The following JAZF1 variants were observed in gnomAD, a reference collection of about 807,000 sequenced individuals.
The protein encoded by JAZF1 is juxtaposed with another zinc finger protein 1.
In JAZF1, 8 loss-of-function variants were observed where a neutral mutation model predicts 26.4. The ratio of observed to expected loss-of-function variants is 0.30; its 90% confidence interval spans 0.18 to 0.55. The LOEUF (loss-of-function observed/expected upper bound fraction) is 0.55, where lower values mean the gene tolerates loss of function less well. JAZF1 is among the 20% of genes least tolerant of loss of function. JAZF1 has a pLI of 0.94. For synonymous variants in JAZF1, 126 were observed against 122.3 expected (o/e 1.03, Z -0.20); for missense variants, 199 against 322.0 (o/e 0.62, Z 2.92).
chr7:27,837,135 G>A (rs547910894), intron 4 of JAZF1, among the ~76,000 whole-genome samples: 31 of 152,202 alleles, frequency 2.0e-4, no homozygotes, highest in Admixed American at 3.3e-4. Context: ...TTTGGGGGGC[G>A]GGGTATTGTT....
At chr7:28,114,883 G>T (rs992457646) in intron 1 of JAZF1, among the ~76,000 whole-genome samples, 1 of 152,000 alleles carries the variant, frequency 6.6e-6, no homozygotes, top group African/African-American at 2.4e-5. Flanking sequence ...CAACAAAATG[G>T]GGGTGAAAGG....
chr7:28,164,240 T>G (rs955171456), intron 1 of JAZF1, among the ~76,000 whole-genome samples: 1 of 152,236 alleles, frequency 6.6e-6, no homozygotes, highest in African/African-American at 2.4e-5. Context: ...GCAGACCAGA[T>G]AGCATTAATG....
At chr7:27,974,243 C>T (rs1785428717) in intron 2 of JAZF1, among the ~76,000 whole-genome samples, 1 of 152,074 alleles carries the variant, frequency 6.6e-6, no homozygotes, top group Non-Finnish European at 1.5e-5. Context: ...AGGGTCCTCT[C>T]CACATCGGTT....
intron 2 of JAZF1, among the ~76,000 whole-genome samples, chr7:27,906,250 G>A (rs1386856693): frequency 7.8e-6 from 1 of 128,652 alleles, no homozygotes; most frequent in East Asian, 2.6e-4. Flanking sequence ...GTGAGGTGCT[G>A]GATGCCCCCG....
intron 1 of JAZF1, among the ~76,000 whole-genome samples, chr7:28,120,501 C>CTGTTT (rs1782582268): frequency 3.4e-5 from 2 of 59,004 alleles, no homozygotes; most frequent in Non-Finnish European, 5.6e-5. Context: ...ACACACAGTT[C>CTGTTT]TTTTTTTTTT....
intron 2 of JAZF1, among the ~76,000 whole-genome samples, chr7:27,949,212 G>T (rs1282296451): frequency 6.6e-6 from 1 of 152,206 alleles, no homozygotes; most frequent in Non-Finnish European, 1.5e-5. Flanking sequence ...GAGAGAAAGG[G>T]ATGAGCTGAG....
At chr7:27,991,321 C>T (rs1044515447) in intron 2 of JAZF1, among the ~76,000 whole-genome samples, 1 of 152,096 alleles carries the variant, frequency 6.6e-6, no homozygotes, top group Non-Finnish European at 1.5e-5. Flanking sequence ...TACTGTCTCC[C>T]TAATTATTTG....
rs117097673 is a variant in JAZF1 at position 27,875,399 on chromosome 7, T to A, written c.385+19821A>T. ...CCCAGCAGTCATTGGTCAGTCAGAA[T>A]AACCTTTTAAAAATGTGAAGCAAAC... On this transcript the variant is annotated intron_variant, in intron 3 of 4. Transcript: ENST00000283928. 1.6e-3 allele frequency among the ~76,000 whole-genome samples: 243 copies of A among 152,332 alleles called. 10 individuals carry two copies. The East Asian group carries it at 0.038, about 24-fold the overall frequency.
At chr7:27,952,969 C>T (rs1430379764) in intron 2 of JAZF1, among the ~76,000 whole-genome samples, 1 of 152,210 alleles carries the variant, frequency 6.6e-6, no homozygotes, top group African/African-American at 2.4e-5. Context: ...TAAGCAAAAT[C>T]ATCTTTAGCA....
chr7:28,112,030 T>A (rs972704046), intron 1 of JAZF1, among the ~76,000 whole-genome samples: 4 of 152,230 alleles, frequency 2.6e-5, no homozygotes, highest in African/African-American at 9.7e-5. Flanking sequence ...CACTTTGCTT[T>A]TGTTTCCAGA....
intron 2 of JAZF1, among the ~76,000 whole-genome samples, chr7:27,971,155 T>A (rs770655457): frequency 9.2e-5 from 14 of 152,216 alleles, no homozygotes; most frequent in Non-Finnish European, 1.9e-4. Flanking sequence ...TTTCAAGGAT[T>A]TAAGTCAATG....
intron 1 of JAZF1, among the ~76,000 whole-genome samples, chr7:28,027,106 A>C (rs747366894): frequency 2.6e-5 from 4 of 152,194 alleles, no homozygotes; most frequent in Admixed American, 6.5e-5. Context: ...GCTTGTCAGG[A>C]GGGGTGAGGC....
At chr7:28,023,458 G>C (rs1308715019) in intron 1 of JAZF1, among the ~76,000 whole-genome samples, 2 of 152,206 alleles carry the variant, frequency 1.3e-5, no homozygotes, top group African/African-American at 4.8e-5. Flanking sequence ...AATAAAAAAG[G>C]TTATCTGAAG....
chr7:28,080,620 T>C (rs914469694), intron 1 of JAZF1, among the ~76,000 whole-genome samples: 9 of 152,170 alleles, frequency 5.9e-5, no homozygotes, highest in East Asian at 1.9e-4. Flanking sequence ...AGGTTATTAA[T>C]TGGCCTAATT....
rs73683911 is a variant in JAZF1 at position 27,962,496 on chromosome 7, T to A, written c.188+29413A>T. Among the ~76,000 whole-genome samples, 1,249 of 152,270 alleles carry A rather than the reference T, an allele frequency of 8.2e-3. 17 individuals carry two copies. The highest frequency in any genetic ancestry group is 0.028 in the African/African-American group (1,163 of 41,542). On this transcript the variant is annotated intron_variant, in intron 2 of 4. Transcript: ENST00000283928. Reference sequence around the variant, plus strand: ...ACTTGCTTTTCTAAAAACAGAAAGCTTTCATGCTAATCCTGGAATCTCTGA... The same window carrying A: ...ACTTGCTTTTCTAAAAACAGAAAGCATTCATGCTAATCCTGGAATCTCTGA...
intron 2 of JAZF1, among the ~76,000 whole-genome samples, chr7:27,954,899 A>G (rs1054466303): frequency 2.6e-5 from 4 of 152,164 alleles, no homozygotes; most frequent in Non-Finnish European, 5.9e-5. Flanking sequence ...CTGGGATTAC[A>G]GGTATGCACC....
At chr7:28,174,217 T>A (rs975916293) in intron 1 of JAZF1, among the ~76,000 whole-genome samples, 4 of 152,114 alleles carry the variant, frequency 2.6e-5, no homozygotes, top group Non-Finnish European at 5.9e-5. Flanking sequence ...GGGGTAAGAA[T>A]GGGGTAGAGA....
intron 2 of JAZF1, among the ~76,000 whole-genome samples, chr7:27,930,088 C>T (rs574330390): frequency 1.3e-5 from 2 of 152,064 alleles, no homozygotes; most frequent in East Asian, 1.9e-4. Context: ...CTCTGCCTCC[C>T]GGGTTCACAC....
chr7:27,936,000 G>A (rs530082708), intron 2 of JAZF1, among the ~76,000 whole-genome samples: 2 of 152,290 alleles, frequency 1.3e-5, no homozygotes, highest in Admixed American at 1.3e-4. Flanking sequence ...TACCTCGTGC[G>A]CCTTGCCCTA....
Sources: allele counts gnomAD v4.1 joint callset (sites outside exome capture counted in the v4.1 genomes callset), GRCh38; gene constraint gnomAD v4.1.1; transcripts MANE v1.5; gene names NCBI Gene and HGNC (gene_info 2026-07-23, HGNC 2026-07-21).